Variants in NOTCH2 observed in about 807,000 individuals in gnomAD.
NOTCH2 encodes notch receptor 2, also known as neurogenic locus notch homolog protein 2.
In NOTCH2, 29 loss-of-function variants were observed where a neutral mutation model predicts 235.8. That is an observed-to-expected ratio of 0.12 (90% CI 0.09 to 0.17). The LOEUF is 0.17. NOTCH2 is among the 10% of genes least tolerant of loss of function. The pLI, the probability that NOTCH2 is intolerant of heterozygous loss-of-function variation, is 1.00. For synonymous variants in NOTCH2, 1,086 were observed against 1,141.5 expected, an observed-to-expected ratio of 0.95 and a Z score of 0.98; for missense variants, 2,285 against 3,150.2, an observed-to-expected ratio of 0.73 and a Z score of 6.57.
chr1:119,969,495 T>C lies in NOTCH2; in HGVS notation c.1108+16A>G. ...TGCCCCTTCCCTGTTTCTAGATCCGTCCTTCTGCTACCTACCTGCCTTCCC... is the reference window on the plus strand; with the variant it reads ...TGCCCCTTCCCTGTTTCTAGATCCGCCCTTCTGCTACCTACCTGCCTTCCC... On this transcript the variant is annotated intron_variant, in intron 6 of 33. Coordinates refer to ENST00000256646, the MANE Select transcript of NOTCH2 (RefSeq NM_024408.4). 1 of 1,611,110 alleles carries C rather than the reference T, an allele frequency of 6.2e-7. No individual in the cohort carries two copies. Among genetic ancestry groups the C allele is most frequent in the Non-Finnish European group, 8.5e-7 (1 of 1,178,136 alleles).
chr1:119,930,451 CTA>C (rs1553194947), intron 22 of NOTCH2, among the ~76,000 whole-genome samples: 1 of 150,844 alleles, frequency 6.6e-6, no homozygotes, highest in Non-Finnish European at 1.5e-5. Context: ...AAATCAATGA[CTA>C]TTCTAGAAAT....
In NOTCH2 at chr1:120,004,160, CA is replaced by C. The variant is rs1465902879; in HGVS notation, c.415+1168del. Among the ~76,000 whole-genome samples, 11 of 152,266 alleles carry C rather than the reference CA, an allele frequency of 7.2e-5. 1 individual carries two copies. The highest frequency in any genetic ancestry group is 2.6e-4 in the African/African-American group (11 of 41,564). ...AAGAAAACGTATTCAGAAACTATTT[CA>C]GAAGTCCAGGTGAGAGATAACATGG... On this transcript the variant is annotated intron_variant, in intron 3 of 33. Coordinates refer to ENST00000256646, the MANE Select transcript of NOTCH2 (RefSeq NM_024408.4).
chr1:119,973,638 A>C (rs1651454662), intron 5 of NOTCH2, among the ~76,000 whole-genome samples: 1 of 152,140 alleles, frequency 6.6e-6, no homozygotes, highest in African/African-American at 2.4e-5. Flanking sequence ...CAGCACCCTG[A>C]GAAGGCATAG....
At position 119,911,615 on chromosome 1, in the gene NOTCH2, T is replaced by G. The variant is rs767353407; in HGVS notation, c.*3691A>C. 2 of 232,034 alleles carry G rather than the reference T, an allele frequency of 8.6e-6. No individual in the cohort carries two copies. The highest frequency in any genetic ancestry group is 1.7e-5 in the Non-Finnish European group (2 of 117,426). The allele number at this position is 232,034 out of a possible 1,614,324, so 14.4% of individuals were successfully genotyped here. On this transcript the variant is annotated 3_prime_UTR_variant, in exon 34 of 34. Transcript: ENST00000256646. ...GTATGAATGTGAACTTATAACAAAT[T>G]TATACACAAAATATTATTTTATAAT...
At chr1:119,929,804 C>T (rs1024127202) in intron 22 of NOTCH2, among the ~76,000 whole-genome samples, 1 of 152,290 alleles carries the variant, frequency 6.6e-6, no homozygotes, top group Admixed American at 6.5e-5. Flanking sequence ...ACAGTAATGT[C>T]CTAGGCCTTC....
chr1:119,928,832 A>T, intron 23 of NOTCH2, 144 bp downstream of exon 23: 1 of 708,994 alleles, frequency 1.4e-6, no homozygotes. Context: ...ACTAAGAAAA[A>T]ACTGGCTTTA....
intron 5 of NOTCH2, among the ~76,000 whole-genome samples, chr1:119,983,726 T>G (rs1553201923): frequency 2.0e-5 from 3 of 152,166 alleles, no homozygotes; most frequent in Admixed American, 6.5e-5. Flanking sequence ...AATCAAACCA[T>G]GAATAGAGCT....
At chr1:120,067,239 A>C in intron 1 of NOTCH2, among the ~76,000 whole-genome samples, 1 of 141,952 alleles carries the variant, frequency 7.0e-6, no homozygotes, top group African/African-American at 3.0e-5. Flanking sequence ...TGTACCGAGA[A>C]ACGGCTTCTA....
chr1:119,928,951 G>T, intron 23 of NOTCH2, 25 bp downstream of exon 23: 2 of 1,589,192 alleles, frequency 1.3e-6, no homozygotes, highest in Non-Finnish European at 1.7e-6. Flanking sequence ...AGGCAGAGTG[G>T]CCAGGAGGCT....
At chr1:119,941,782 C>T (rs1163821407) in intron 17 of NOTCH2, 28 bp from the exon 18 acceptor site, 1 of 1,500,154 alleles carries the variant, frequency 6.7e-7, no homozygotes, top group Admixed American at 1.7e-5. Flanking sequence ...AATTAGACCT[C>T]TGAAGAGTAG....
chr1:119,965,599 G>A (rs1553199569), intron 9 of NOTCH2, 33 bp from the exon 10 acceptor site: 8 of 1,387,078 alleles, frequency 5.8e-6, no homozygotes, highest in Non-Finnish European at 8.2e-6. Flanking sequence ...ATGAGTCAAA[G>A]GATTATCTTG....
intron 21 of NOTCH2, among the ~76,000 whole-genome samples, 188 bp from the exon 22 acceptor site, chr1:119,935,792 A>C (rs1323440481): frequency 6.6e-6 from 1 of 152,190 alleles, no homozygotes; most frequent in East Asian, 1.9e-4. Flanking sequence ...CCTGCAGCTT[A>C]CTGGCATTTA....
Position 119,919,665 on chromosome 1 carries a change from C to T in NOTCH2, c.5480-52G>A, listed in dbSNP as rs779673957. The T allele has an allele frequency of 4.5e-6, 7 of 1,564,846 alleles. No individual in the cohort carries two copies. The East Asian group carries it at 9.1e-5, about 20-fold the overall frequency. ...TACTCAAGAAGGAGAAGGTAGTTAA[C>T]CCTATGGTTGAAACAGCTCTATTTG... On this transcript the variant is annotated intron_variant, in intron 30 of 33. Coordinates refer to ENST00000256646, the MANE Select transcript of NOTCH2 (RefSeq NM_024408.4).
chr1:119,969,151 C>G, intron 6 of NOTCH2, among the ~76,000 whole-genome samples: 1 of 152,208 alleles, frequency 6.6e-6, no homozygotes, highest in East Asian at 1.9e-4. Context: ...TAGATGGTTT[C>G]TTCTTAAAAT....
At chr1:119,925,158 G>A in intron 25 of NOTCH2, 147 bp downstream of exon 25, 2 of 947,128 alleles carry the variant, frequency 2.1e-6, no homozygotes, top group South Asian at 2.6e-5. Context: ...GGAGAGCACA[G>A]GGCAGTGTGC....
chr1:120,024,757 C>G (rs1343060857), intron 2 of NOTCH2, among the ~76,000 whole-genome samples: 4 of 152,214 alleles, frequency 2.6e-5, no homozygotes, highest in Non-Finnish European at 5.9e-5. Context: ...CAGTGACTTT[C>G]TGCTGTTTTA....
In NOTCH2 at chr1:119,915,588, G is replaced by C; in HGVS notation, c.7134C>G (p.Ala2378=). 6.2e-7 allele frequency: 1 copy of C among 1,614,036 alleles called. No individual in the cohort carries two copies. Among genetic ancestry groups the C allele is most frequent in the Non-Finnish European group, 8.5e-7 (1 of 1,180,040 alleles). The change falls in exon 34 of 34, where the codon GCC becomes GCG. Residue 2378 remains alanine (A), a synonymous_variant. Transcript: ENST00000256646. The part of the protein sequence containing the change: ...TILPAYHPFP[A]SVGKYPTPPS... The stretch of plus-strand genomic sequence containing the variant: ...GGGGTGTGGGGTACTTGCCCACAGA[G>C]GCTGGGAAAGGATGATAGGCTGGGA...
chr1:119,963,901 T>G (rs1651036070), intron 10 of NOTCH2, 94 bp from the exon 11 acceptor site: 8 of 1,053,818 alleles, frequency 7.6e-6, no homozygotes, highest in Middle Eastern at 2.1e-4. Flanking sequence ...CTCTACACAT[T>G]CGATGTGTGG....
chr1:120,062,752 A>G (rs1179898164), intron 1 of NOTCH2, among the ~76,000 whole-genome samples: 1 of 139,264 alleles, frequency 7.2e-6, no homozygotes, highest in Non-Finnish European at 1.5e-5. Flanking sequence ...TGCTCCCCCA[A>G]TACACCACTA....
Sources: gnomAD v4.1 joint callset for allele counts (sites outside exome capture counted in the v4.1 genomes callset) on GRCh38, gnomAD v4.1.1 for gene constraint, MANE v1.5 for transcripts, NCBI Gene and HGNC (gene_info 2026-07-23, HGNC 2026-07-21) for gene names.